CCDC18: variants seen among roughly 807,000 people sequenced by gnomAD.
The protein encoded by CCDC18 is coiled-coil domain-containing protein 18.
Under a neutral mutation model 196.0 loss-of-function variants are expected in CCDC18, and 157 were observed. The observed-to-expected ratio is 0.80, with a 90% CI of 0.70 to 0.91. The LOEUF is 0.91. Among genes scored for constraint, CCDC18 ranks in the 40% least tolerant of loss-of-function variants. CCDC18 has a pLI of 0.00. For synonymous variants in CCDC18, 482 were observed against 529.2 expected (o/e 0.91, Z 1.22); for missense variants, 1,465 against 1,611.6 (o/e 0.91, Z 1.56).
intron 26 of CCDC18, among the ~76,000 whole-genome samples, chr1:93,260,210 C>A (rs1304055357): frequency 6.6e-6 from 1 of 152,118 alleles, no homozygotes; most frequent in Non-Finnish European, 1.5e-5. Context: ...ATGGCAAAAC[C>A]CCGTCTCTAC....
At chr1:93,225,889 C>A (rs1408579523) in intron 16 of CCDC18, among the ~76,000 whole-genome samples, 2 of 152,138 alleles carry the variant, frequency 1.3e-5, no homozygotes, top group Non-Finnish European at 2.9e-5. Flanking sequence ...ATACCACTTA[C>A]CTTTTAAAGA....
chr1:93,180,404 G>A (rs1450506809), upstream of CCDC18: 4 of 1,229,980 alleles, frequency 3.3e-6, no homozygotes, highest in South Asian at 1.4e-5. Flanking sequence ...AAAGAGAAGC[G>A]CAGTTCTCCA....
chr1:93,211,957 G>A (rs1049286220), intron 10 of CCDC18, 144 bp from the exon 11 acceptor site: 7 of 657,370 alleles, frequency 1.1e-5, no homozygotes, highest in South Asian at 4.1e-5. Context: ...AGTGGTATAT[G>A]GGAGTTTTCA....
At chr1:93,265,634 T>C (rs1246094330) in intron 27 of CCDC18, among the ~76,000 whole-genome samples, 1 of 152,228 alleles carries the variant, frequency 6.6e-6, no homozygotes, top group East Asian at 1.9e-4. Flanking sequence ...CAACAAAAAA[T>C]TGGCACTCTA....
rs1662979136 is a variant in CCDC18, at chr1:93,256,498, CT to C, written c.3507del (p.Ser1170ValfsTer6). On this transcript the variant is annotated frameshift_variant, in exon 25 of 29. Transcript: ENST00000690025. LOFTEE classifies it high-confidence loss of function. ...VQAQREIERL[S>X]SELEDMKQLS... is the part of the protein sequence containing the mutation. ...GCACAGAGAGAAATAGAAAGGCTCT[CT>C]AGTGAACTGGAGGATATGAAGCAAC... 1 of 1,614,022 alleles carries C rather than the reference CT, an allele frequency of 6.2e-7. No homozygotes were observed. Among genetic ancestry groups the C allele is most frequent in the Non-Finnish European group, 8.5e-7 (1 of 1,179,960 alleles).
intron 21 of CCDC18, among the ~76,000 whole-genome samples, chr1:93,241,723 CAAAAAAAA>C (rs35810581): frequency 8.3e-5 from 5 of 59,956 alleles, no homozygotes; most frequent in Admixed American, 2.0e-4. Flanking sequence ...GACTCCATCT[CAAAAAAAA>C]AAAAAAAAAA....
At chr1:93,229,411 C>A (rs1476244793) in intron 17 of CCDC18, among the ~76,000 whole-genome samples, 1 of 152,244 alleles carries the variant, frequency 6.6e-6, no homozygotes, top group South Asian at 2.1e-4. Flanking sequence ...ATAATTAACA[C>A]CTTGTAACAG....
At chr1:93,226,632 C>T (rs1291690187) in intron 17 of CCDC18, among the ~76,000 whole-genome samples, 183 bp downstream of exon 17, 1 of 151,764 alleles carries the variant, frequency 6.6e-6, no homozygotes, top group Non-Finnish European at 1.5e-5. Flanking sequence ...CTCCTGGGTT[C>T]AAGCAATTCT....
intron 6 of CCDC18, among the ~76,000 whole-genome samples, chr1:93,200,874 G>A (rs1448503842): frequency 6.6e-6 from 1 of 152,174 alleles, no homozygotes. Context: ...CACAATACGT[G>A]GGAAGGTTTT....
chr1:93,228,029 T>G (rs1658682872), intron 17 of CCDC18, among the ~76,000 whole-genome samples: 2 of 150,036 alleles, frequency 1.3e-5, no homozygotes. Context: ...GATTTGACTA[T>G]ATCAGAAAGG....
At chr1:93,259,990 A>C (rs868079119) in intron 26 of CCDC18, among the ~76,000 whole-genome samples, 1 of 152,228 alleles carries the variant, frequency 6.6e-6, no homozygotes, top group Non-Finnish European at 1.5e-5. Flanking sequence ...CAGTATTGCT[A>C]TCTTTTTAAA....
intron 28 of CCDC18, chr1:93,271,362 G>A: frequency 2.0e-6 from 2 of 984,586 alleles, no homozygotes; most frequent in Non-Finnish European, 2.4e-6. Flanking sequence ...TCCTTCTTTT[G>A]TCCCTTTTCT....
At chr1:93,226,195 A>G (rs1658256601) in intron 16 of CCDC18, 138 bp from the exon 17 acceptor site, 1 of 448,180 alleles carries the variant, frequency 2.2e-6, no homozygotes, top group South Asian at 4.7e-5. Flanking sequence ...AATATCTTCT[A>G]TAATGGCATT....
intron 27 of CCDC18, among the ~76,000 whole-genome samples, chr1:93,269,348 C>T (rs1402929317): frequency 6.6e-6 from 1 of 151,086 alleles, no homozygotes; most frequent in African/African-American, 2.4e-5. Flanking sequence ...ATGGGTGCAG[C>T]ACACCAACAT....
chr1:93,250,416 G>T (rs1308523926), intron 23 of CCDC18, among the ~76,000 whole-genome samples: 3 of 148,830 alleles, frequency 2.0e-5, no homozygotes, highest in African/African-American at 7.4e-5. Flanking sequence ...AGAAAAAAAA[G>T]AATATGTATT....
chr1:93,239,931 T>G (rs1557676193), intron 21 of CCDC18, 35 bp downstream of exon 21: 6 of 1,324,250 alleles, frequency 4.5e-6, no homozygotes, highest in Non-Finnish European at 6.5e-6. Flanking sequence ...ATCACAGTTA[T>G]AAGTCCTTGG....
At chr1:93,214,654 CTTTG>C (rs1275717413) in intron 11 of CCDC18, 85 bp from the exon 12 acceptor site, 3 of 874,568 alleles carry the variant, frequency 3.4e-6, no homozygotes, top group Admixed American at 2.6e-5. Flanking sequence ...AGAAACTAAA[CTTTG>C]TTTATGACTA....
At position 93,212,106 on chromosome 1, in the gene CCDC18, A is replaced by T. The variant is rs577114385; in HGVS notation, c.1340A>T (p.Lys447Met). 24 of 1,597,854 alleles carry T rather than the reference A, an allele frequency of 1.5e-5. No individual in the cohort carries two copies. The African/African-American group carries it at 2.7e-4, about 18-fold the overall frequency. Residue 447 changes from lysine (K) to methionine (M), a missense_variant, in exon 11 of 29, where the codon AAG (lysine) becomes ATG (methionine). Physicochemically the swap from Lys to Met is moderately conservative, Grantham distance 95. Transcript: ENST00000690025. Reference protein sequence around the residue: ...NKLVISELRIKLAIKEAEIQK... With the variant: ...NKLVISELRIMLAIKEAEIQK... ...CTTCTTTTCTTTTGTGCCAGAATTA[A>T]GCTTGCAATAAAAGAGGCAGAAATT...
At chr1:93,250,729 T>C (rs1662123046) in intron 23 of CCDC18, among the ~76,000 whole-genome samples, 1 of 152,232 alleles carries the variant, frequency 6.6e-6, no homozygotes, top group East Asian at 1.9e-4. Context: ...CTTCTTTGTC[T>C]CTTTCTACTG....
Sources: gnomAD v4.1 joint callset for allele counts (sites outside exome capture counted in the v4.1 genomes callset) on GRCh38, gnomAD v4.1.1 for gene constraint, MANE v1.5 for transcripts, NCBI Gene and HGNC (gene_info 2026-07-23, HGNC 2026-07-21) for gene names.